TRAK1: variants seen among roughly 807,000 people sequenced by gnomAD.
TRAK1 encodes the protein trafficking kinesin-binding protein 1.
TRAK1 carries 33 observed loss-of-function variants against 92.1 expected under a neutral mutation model. That is an observed-to-expected ratio of 0.36 (90% CI 0.27 to 0.48). TRAK1 has a LOEUF of 0.48. TRAK1 is among the 20% of genes least tolerant of loss of function. The pLI is 0.99. For synonymous variants in TRAK1, 521 were observed against 517.3 expected (o/e 1.01, Z -0.10); for missense variants, 1,123 against 1,257.9 (o/e 0.89, Z 1.62).
intron 1 of TRAK1, among the ~76,000 whole-genome samples, chr3:42,054,437 T>C (rs1703112080): frequency 6.6e-6 from 1 of 152,124 alleles, no homozygotes; most frequent in South Asian, 2.1e-4. Context: ...ATTTTAGCAA[T>C]GATAGGAAGC....
chr3:42,044,272 C>T (rs1702671784), intron 1 of TRAK1, among the ~76,000 whole-genome samples: 2 of 152,174 alleles, frequency 1.3e-5, no homozygotes, highest in Admixed American at 1.3e-4. Flanking sequence ...GCAATCCTCC[C>T]ACCTCAACCT....
Position 42,202,079 on chromosome 3 carries a change from A to AAACATGCC in TRAK1, c.1428-356_1428-349dup, listed in dbSNP as rs1707710328. On this transcript the variant is annotated intron_variant, in intron 12 of 15. Transcript: ENST00000327628. This position sits in a 1 kb window ranked among gnomAD's most constrained non-coding sequence, Gnocchi z 6.1. Reference sequence around the variant, plus strand: ...GCTCTTTTCCTTCAAGAGAAGAGAGAAACATGCCTTAACCCCATTATCCTT... The same window carrying AAACATGCC: ...GCTCTTTTCCTTCAAGAGAAGAGAGAAACATGCCAACATGCCTTAACCCCATTATCCTT... 6.6e-6 allele frequency among the ~76,000 whole-genome samples: 1 copy of AAACATGCC among 152,134 alleles called. No homozygotes were observed. Among genetic ancestry groups the AAACATGCC allele is most frequent in the Non-Finnish European group, 1.5e-5 (1 of 68,016 alleles).
At chr3:42,041,640 G>A (rs1467636785) in intron 1 of TRAK1, among the ~76,000 whole-genome samples, 1 of 150,742 alleles carries the variant, frequency 6.6e-6, no homozygotes, top group African/African-American at 2.4e-5. Context: ...TTTCCAGTAC[G>A]ATGTTGAATA....
chr3:42,133,068 G>A (rs1282473507), intron 2 of TRAK1, among the ~76,000 whole-genome samples: 1 of 152,212 alleles, frequency 6.6e-6, no homozygotes, highest in Non-Finnish European at 1.5e-5. Flanking sequence ...CTGGACAGCT[G>A]TAACTGCTCT....
chr3:42,178,839 G>T lies in TRAK1; in HGVS notation c.363+1949G>T, dbSNP rs142733819. Among the ~76,000 whole-genome samples, 900 of 152,172 alleles carry T rather than the reference G, an allele frequency of 5.9e-3. 12 individuals carry two copies. The highest frequency in any genetic ancestry group is 0.021 in the African/African-American group (852 of 41,512). On this transcript the variant is annotated intron_variant, in intron 3 of 15. Coordinates refer to ENST00000327628, the MANE Select transcript of TRAK1 (RefSeq NM_001042646.3). ...AAAATACAAAAATTAGCCAGGTATG[G>T]TGGCCTGTGCCTGTAATCCCAGCTA...
intron 14 of TRAK1, among the ~76,000 whole-genome samples, chr3:42,212,793 C>T (rs1327480368): frequency 6.6e-6 from 1 of 152,152 alleles, no homozygotes; most frequent in Non-Finnish European, 1.5e-5. Flanking sequence ...TAAAGTCACA[C>T]AGTTAAATTG....
intron 13 of TRAK1, among the ~76,000 whole-genome samples, chr3:42,207,854 AG>A (rs1708507702): frequency 6.6e-6 from 1 of 152,208 alleles, no homozygotes. Flanking sequence ...CTCTAGAGAA[AG>A]GCTTCTCAAT....
At chr3:42,043,228 C>T (rs1702616976) in intron 1 of TRAK1, among the ~76,000 whole-genome samples, 1 of 151,954 alleles carries the variant, frequency 6.6e-6, no homozygotes, top group Non-Finnish European at 1.5e-5. Flanking sequence ...ACTGTCCCCT[C>T]TTGCCCTCCT....
chr3:42,174,814 G>A (rs991614630), intron 2 of TRAK1, among the ~76,000 whole-genome samples: 1 of 151,248 alleles, frequency 6.6e-6, no homozygotes, highest in African/African-American at 2.4e-5. Flanking sequence ...TGGTCCATCT[G>A]CCTTGGCCTC....
intron 13 of TRAK1, among the ~76,000 whole-genome samples, chr3:42,208,089 G>A (rs951703402): frequency 1.3e-4 from 20 of 152,162 alleles, no homozygotes; most frequent in Admixed American, 3.9e-4. Flanking sequence ...TGAGAACACC[G>A]CTCTAGATGC....
At chr3:42,166,272 C>T (rs779347126) in intron 2 of TRAK1, among the ~76,000 whole-genome samples, 3 of 152,152 alleles carry the variant, frequency 2.0e-5, no homozygotes, top group Non-Finnish European at 4.4e-5. Flanking sequence ...ATACTTTCCT[C>T]ATAGGATGGA....
intron 4 of TRAK1, among the ~76,000 whole-genome samples, chr3:42,186,971 A>G (rs190067779): frequency 8.5e-5 from 13 of 152,338 alleles, no homozygotes; most frequent in Non-Finnish European, 1.5e-4. Flanking sequence ...CGTAACTGCA[A>G]TTCTTCTTAT....
chr3:42,218,985 C>T, intron 14 of TRAK1: 2 of 985,402 alleles, frequency 2.0e-6, no homozygotes, highest in Non-Finnish European at 2.4e-6. Flanking sequence ...CATCCCCAGG[C>T]CCCTTTTTGT....
chr3:42,118,072 C>T (rs1386348041), intron 1 of TRAK1, among the ~76,000 whole-genome samples: 1 of 151,968 alleles, frequency 6.6e-6, no homozygotes, highest in Non-Finnish European at 1.5e-5. Flanking sequence ...CCCACCTTGG[C>T]CTCCCAAAGT....
chr3:42,152,902 TG>T (rs1317712718), intron 2 of TRAK1, among the ~76,000 whole-genome samples: 5 of 152,192 alleles, frequency 3.3e-5, no homozygotes, highest in African/African-American at 9.6e-5. Context: ...CCATGTGGTA[TG>T]GGAACATCCT....
chr3:42,023,745 T>G (rs1387385850), intron 1 of TRAK1, among the ~76,000 whole-genome samples: 2 of 86,424 alleles, frequency 2.3e-5, no homozygotes, highest in African/African-American at 5.6e-5. Flanking sequence ...CTCGTGAGGG[T>G]TTTTTTTTTT....
At chr3:42,038,491 A>G (rs1301404084) in intron 1 of TRAK1, among the ~76,000 whole-genome samples, 1 of 152,140 alleles carries the variant, frequency 6.6e-6, no homozygotes, top group Non-Finnish European at 1.5e-5. Flanking sequence ...TATTTTTAAA[A>G]ATTTTTTGTA....
intron 12 of TRAK1, 28 bp downstream of exon 12, chr3:42,201,082 C>G (rs1707476029): frequency 1.9e-6 from 3 of 1,608,752 alleles, no homozygotes; most frequent in African/African-American, 1.3e-5. Context: ...TTTCACTTCT[C>G]TGTTTTGGGG....
At chr3:42,092,772 T>TGTTATGTTA (rs1559754457) in intron 1 of TRAK1, among the ~76,000 whole-genome samples, 2 of 151,848 alleles carry the variant, frequency 1.3e-5, no homozygotes, top group Non-Finnish European at 1.5e-5. Flanking sequence ...TGTTATGTTA[T>TGTTATGTTA]TTCGTGACTC....
Sources: allele counts gnomAD v4.1 joint callset (sites outside exome capture counted in the v4.1 genomes callset), GRCh38; gene constraint gnomAD v4.1.1; non-coding constraint Gnocchi (gnomAD v3.1); transcripts MANE v1.5; gene names NCBI Gene and HGNC (gene_info 2026-07-23, HGNC 2026-07-21).